The following SLC1A1 variants were observed in gnomAD, a reference collection of about 807,000 sequenced individuals.
SLC1A1 encodes the protein solute carrier family 1 member 1.
A neutral mutation model predicts 53.3 loss-of-function variants in SLC1A1; 43 were observed. The ratio of observed to expected loss-of-function variants is 0.81; its 90% CI spans 0.63 to 1.04. The LOEUF (loss-of-function observed/expected upper bound fraction) is 1.04. SLC1A1 is among the 50% of genes least tolerant of loss of function. The pLI, the probability that SLC1A1 is intolerant of heterozygous loss-of-function variation, is 0.00. For synonymous variants in SLC1A1, 307 were observed against 243.2 expected (o/e 1.26, Z -2.44); for missense variants, 748 against 664.9 (o/e 1.12, Z -1.37).
At chr9:4,509,643 C>T (rs552829825) in intron 1 of SLC1A1, among the ~76,000 whole-genome samples, 1 of 152,172 alleles carries the variant, frequency 6.6e-6, no homozygotes, top group South Asian at 2.1e-4. Context: ...CCAGCCAAAA[C>T]CAGAGGCAAG....
At chr9:4,534,138 C>A (rs1466141364) in intron 1 of SLC1A1, among the ~76,000 whole-genome samples, 2 of 152,056 alleles carry the variant, frequency 1.3e-5, no homozygotes, top group Admixed American at 6.5e-5. Flanking sequence ...CCTAACATCA[C>A]AATTAAAAGA....
In SLC1A1 at chr9:4,566,077, C is replaced by T; in HGVS notation, c.471C>T (p.Ala157=). 1 of 1,613,102 alleles carries T rather than the reference C, an allele frequency of 6.2e-7. No individual in the cohort carries two copies. Among genetic ancestry groups the T allele is most frequent in the Non-Finnish European group, 8.5e-7 (1 of 1,179,102 alleles). ...RNMFPENLVQ[A]CFQQYKTKRE... is the part of the protein sequence containing the mutation. Reference sequence around the variant, plus strand: ...TGTTCCCTGAGAATCTTGTCCAGGCCTGTTTTCAGCAGGTAATATTAATTA... The same window carrying T: ...TGTTCCCTGAGAATCTTGTCCAGGCTTGTTTTCAGCAGGTAATATTAATTA... The change falls in exon 5 of 12, where the codon GCC becomes GCT. Residue 157 remains alanine, a synonymous_variant. Coordinates refer to ENST00000262352, the MANE Select transcript of SLC1A1 (RefSeq NM_004170.6).
chr9:4,529,678 A>T (rs959855138), intron 1 of SLC1A1, among the ~76,000 whole-genome samples: 11 of 151,762 alleles, frequency 7.2e-5, no homozygotes, highest in African/African-American at 2.7e-4. Flanking sequence ...CCATCAGTCA[A>T]AATGAAACTT....
intron 1 of SLC1A1, among the ~76,000 whole-genome samples, chr9:4,537,942 T>A (rs767989240): frequency 1.3e-5 from 2 of 150,322 alleles, no homozygotes; most frequent in African/African-American, 2.5e-5. Flanking sequence ...AAAAAAAATT[T>A]ACAAAAAACT....
At chr9:4,509,479 T>G (rs1820920315) in intron 1 of SLC1A1, among the ~76,000 whole-genome samples, 2 of 149,722 alleles carry the variant, frequency 1.3e-5, no homozygotes, top group Admixed American at 6.7e-5. Flanking sequence ...CACAGTACAG[T>G]GAGGGCTGAG....
intron 1 of SLC1A1, among the ~76,000 whole-genome samples, chr9:4,498,813 T>C (rs1274671105): frequency 2.7e-5 from 4 of 150,224 alleles, no homozygotes; most frequent in Admixed American, 2.0e-4. Flanking sequence ...AAAAAATATA[T>C]ATATATGTGT....
At chr9:4,536,403 A>G (rs983827513) in intron 1 of SLC1A1, among the ~76,000 whole-genome samples, 4 of 152,220 alleles carry the variant, frequency 2.6e-5, no homozygotes, top group African/African-American at 4.8e-5. Flanking sequence ...GACACTTCTC[A>G]AAAGAAGACA....
At position 4,533,341 on chromosome 9, in the gene SLC1A1, T is replaced by C. The variant is rs147558374; in HGVS notation, c.92-11226T>C. ...CCCATCTCATGGGCAGAGACACAAATAGGCTCAAAATAAAGGGATGGAGGA... is the reference window on the plus strand; with the variant it reads ...CCCATCTCATGGGCAGAGACACAAACAGGCTCAAAATAAAGGGATGGAGGA... On this transcript the variant is annotated intron_variant, in intron 1 of 11. Transcript: ENST00000262352. 4.3e-3 allele frequency among the ~76,000 whole-genome samples: 660 copies of C among 152,120 alleles called. 4 individuals are homozygous for C. Among genetic ancestry groups the C allele is most frequent in the African/African-American group, 0.015 (616 of 41,526 alleles).
chr9:4,496,673 C>T (rs7866742), intron 1 of SLC1A1, among the ~76,000 whole-genome samples: 117,866 of 151,878 alleles, frequency 0.78, 45,873 homozygotes, highest in East Asian at 0.88. Context: ...GGTGGGAGGA[C>T]TGCTTGAGGC....
At chr9:4,496,902 A>G (rs1448178081) in intron 1 of SLC1A1, among the ~76,000 whole-genome samples, 2 of 152,080 alleles carry the variant, frequency 1.3e-5, no homozygotes, top group African/African-American at 4.8e-5. Context: ...TGTCTCTGAA[A>G]AATAATAATA....
intron 6 of SLC1A1, among the ~76,000 whole-genome samples, chr9:4,570,071 G>C (rs1819879207): frequency 6.6e-6 from 1 of 152,164 alleles, no homozygotes; most frequent in South Asian, 2.1e-4. Flanking sequence ...GCCTTTGCTT[G>C]CCATCTTTCT....
chr9:4,524,047 T>C (rs1816177060), intron 1 of SLC1A1, among the ~76,000 whole-genome samples: 1 of 152,370 alleles, frequency 6.6e-6, no homozygotes, highest in South Asian at 2.1e-4. Flanking sequence ...GTTTATACAT[T>C]ACTCTCATCT....
intron 1 of SLC1A1, among the ~76,000 whole-genome samples, chr9:4,518,832 A>G (rs1264435233): frequency 6.6e-6 from 1 of 152,202 alleles, no homozygotes; most frequent in East Asian, 1.9e-4. Context: ...TCACTTTGTG[A>G]TTTATTGCAT....
chr9:4,534,245 C>A (rs1291356160), intron 1 of SLC1A1, among the ~76,000 whole-genome samples: 1 of 152,018 alleles, frequency 6.6e-6, no homozygotes, highest in Non-Finnish European at 1.5e-5. Context: ...CACAAAAAAA[C>A]CCTTCAAAAA....
At position 4,506,176 on chromosome 9, in the gene SLC1A1, A is replaced by G. The variant is rs1008994370; in HGVS notation, c.91+15406A>G. Reference sequence around the variant, plus strand: ...TTCGCCATGTTAGCCAGGCTGGTCTAGAACTCATGACCTTAAGTGATCCAC... The same window carrying G: ...TTCGCCATGTTAGCCAGGCTGGTCTGGAACTCATGACCTTAAGTGATCCAC... On this transcript the variant is annotated intron_variant, in intron 1 of 11. Coordinates refer to ENST00000262352, the MANE Select transcript of SLC1A1 (RefSeq NM_004170.6). 2.0e-5 allele frequency among the ~76,000 whole-genome samples: 3 copies of G among 151,902 alleles called. No homozygotes were observed. The East Asian group carries it at 5.8e-4, about 30-fold the overall frequency.
intron 2 of SLC1A1, chr9:4,554,001 G>A (rs1818159409): frequency 6.6e-6 from 1 of 152,084 alleles, no homozygotes; most frequent in Admixed American, 6.6e-5. Context: ...TGTTTTCTCT[G>A]GGGAATAAAA....
At chr9:4,568,455 T>C (rs1488130667) in intron 6 of SLC1A1, among the ~76,000 whole-genome samples, 1 of 150,620 alleles carries the variant, frequency 6.6e-6, no homozygotes, top group Non-Finnish European at 1.5e-5. Context: ...GCATGGTGGC[T>C]CACACTTGTA....
rs139557512 is a variant in SLC1A1 at position 4,561,391 on chromosome 9, G to C, written c.233-58G>C. 2,412 of 1,011,962 alleles carry C rather than the reference G, an allele frequency of 2.4e-3. 40 individuals are homozygous for C. The East Asian group carries it at 0.029, about 12-fold the overall frequency. 62.7% of individuals were successfully genotyped at this position (1,011,962 alleles called of 1,614,324 possible). ...TTTCACAACCTGAGGATTAAATCGC[G>C]GGTCCTGGAAACCTGTCTTTTAAAA... On this transcript the variant is annotated intron_variant, in intron 2 of 11. Transcript: ENST00000262352.
chr9:4,513,472 G>A (rs551251104), intron 1 of SLC1A1, among the ~76,000 whole-genome samples: 20 of 152,246 alleles, frequency 1.3e-4, no homozygotes, highest in Non-Finnish European at 2.4e-4. Flanking sequence ...ATCGTTGGCC[G>A]TTAGGGAAAA....
Sources: allele counts gnomAD v4.1 joint callset (sites outside exome capture counted in the v4.1 genomes callset), GRCh38; gene constraint gnomAD v4.1.1; transcripts MANE v1.5; gene names NCBI Gene and HGNC (gene_info 2026-07-23, HGNC 2026-07-21).